The following VWDE variants were observed in gnomAD, a reference collection of about 807,000 sequenced individuals.
VWDE encodes von Willebrand factor D and EGF domains, also known as von Willebrand factor D and EGF domain-containing protein.
VWDE carries 207 observed loss-of-function variants against 178.4 expected under a neutral mutation model. That is an observed-to-expected ratio of 1.16 (90% CI 1.04 to 1.30). The LOEUF (loss-of-function observed/expected upper bound fraction) is 1.30. Among genes scored for constraint, VWDE ranks in the 50% most tolerant of loss-of-function variants. The pLI is 0.00. For missense variants in VWDE, 2,287 were observed against 1,901.3 expected (o/e 1.20, Z -3.77); for synonymous variants, 738 against 651.4 (o/e 1.13, Z -2.02).
In VWDE at chr7:12,333,550, C is replaced by T. The variant is rs572488320; in HGVS notation, c.4673G>A (p.Cys1558Tyr). 8 of 1,550,904 alleles carry T rather than the reference C, an allele frequency of 5.2e-6. No homozygotes were observed. In the South Asian group the frequency reaches 7.1e-5, roughly 14 times the overall value. ...RCQIPICNPK[C>Y]LYGGRCIFPN... The stretch of plus-strand genomic sequence containing the variant: ...AAATATGCATCTGCCTCCATAAAGA[C>T]ATTTTGGGTTGCAAATTGCTGCAAT... The change falls in exon 28 of 29, where the codon TGT becomes TAT. Residue 1558 changes from cysteine to tyrosine, a missense_variant. Cys to Tyr is a radical substitution (Grantham distance 194). Coordinates refer to ENST00000275358, the MANE Select transcript of VWDE (RefSeq NM_001135924.3).
chr7:12,378,773 C>T (rs768270498), intron 6 of VWDE, among the ~76,000 whole-genome samples: 1 of 152,132 alleles, frequency 6.6e-6, no homozygotes, highest in Non-Finnish European at 1.5e-5. Flanking sequence ...ACTGTGTGTA[C>T]ATGGACTTTA....
chr7:12,334,939 G>C (rs1327062143), intron 27 of VWDE, among the ~76,000 whole-genome samples: 4 of 151,990 alleles, frequency 2.6e-5, no homozygotes, highest in African/African-American at 9.7e-5. Flanking sequence ...CATATCTTAT[G>C]TAAATACCAG....
chr7:12,364,560 A>T (rs1010044533), intron 13 of VWDE, among the ~76,000 whole-genome samples: 30 of 152,136 alleles, frequency 2.0e-4, no homozygotes, highest in African/African-American at 6.3e-4. Context: ...TTGAGTTATA[A>T]TTCATGAAAT....
intron 24 of VWDE, among the ~76,000 whole-genome samples, chr7:12,338,120 A>G (rs1459417424): frequency 4.6e-5 from 7 of 152,072 alleles, no homozygotes; most frequent in Non-Finnish European, 1.0e-4. Flanking sequence ...TGTTTGAATT[A>G]CTAGCTGCTT....
chr7:12,341,220 C>T (rs1781312137), intron 23 of VWDE, among the ~76,000 whole-genome samples: 1 of 152,140 alleles, frequency 6.6e-6, no homozygotes, highest in African/African-American at 2.4e-5. Flanking sequence ...TTTCCATTTG[C>T]ATCATGCTTC....
chr7:12,393,353 C>T (rs1489449451), intron 2 of VWDE, among the ~76,000 whole-genome samples: 3 of 152,136 alleles, frequency 2.0e-5, no homozygotes, highest in Non-Finnish European at 4.4e-5. Flanking sequence ...TTGTATGCTA[C>T]AGTTGTAAAC....
At chr7:12,334,873 T>C (rs1780928075) in intron 27 of VWDE, among the ~76,000 whole-genome samples, 1 of 152,210 alleles carries the variant, frequency 6.6e-6, no homozygotes, top group Non-Finnish European at 1.5e-5. Flanking sequence ...TAACTTTTTT[T>C]TTCTAGCATT....
intron 26 of VWDE, 59 bp from the exon 27 acceptor site, chr7:12,336,295 A>T (rs1360528534): frequency 7.3e-7 from 1 of 1,375,106 alleles, no homozygotes; most frequent in Non-Finnish European, 9.9e-7. Flanking sequence ...TCCTATCCAT[A>T]ACCCACAAAA....
In VWDE at chr7:12,361,999, T is replaced by C. The variant is rs568749020; in HGVS notation, c.2899-478A>G. Reference sequence around the variant, plus strand: ...ACCAATCTCCCTGACTATGCTTGACTGGTGCAGGGGCGGACCTAAGCTAGG... The same window carrying C: ...ACCAATCTCCCTGACTATGCTTGACCGGTGCAGGGGCGGACCTAAGCTAGG... On this transcript the variant is annotated intron_variant, in intron 13 of 28. Coordinates refer to ENST00000275358, the MANE Select transcript of VWDE (RefSeq NM_001135924.3). Among the ~76,000 whole-genome samples, 4 of 152,162 alleles carry C rather than the reference T, an allele frequency of 2.6e-5. No individual in the cohort carries two copies. In the East Asian group the frequency reaches 7.8e-4, roughly 30 times the overall value.
At chr7:12,372,881 C>G (rs1783282690) in intron 10 of VWDE, 96 bp downstream of exon 10, 1 of 1,233,742 alleles carries the variant, frequency 8.1e-7, no homozygotes, top group Non-Finnish European at 1.1e-6. Flanking sequence ...CTTAAACAAA[C>G]TAATGTTGAA....
chr7:12,389,785 C>A (rs1232267964), intron 2 of VWDE, among the ~76,000 whole-genome samples: 1 of 152,092 alleles, frequency 6.6e-6, no homozygotes, highest in African/African-American at 2.4e-5. Flanking sequence ...GAAGTTAATG[C>A]ATAGTTCAGG....
Position 12,356,203 on chromosome 7 carries a change from T to TC in VWDE, c.3652dup (p.Asp1218GlyfsTer3). The TC allele has an allele frequency of 1.3e-6, 2 of 1,551,494 alleles. No homozygotes were observed. Among genetic ancestry groups the TC allele is most frequent in the Non-Finnish European group, 1.7e-6 (2 of 1,146,946 alleles). ...AGGGTTGGATTGGCACCCACTAATGTCCACTTCACAAAGGCTGCCATGGAA... is the reference window on the plus strand; with the variant it reads ...AGGGTTGGATTGGCACCCACTAATGTCCCACTTCACAAAGGCTGCCATGGAA... On this transcript the variant is annotated frameshift_variant, in exon 18 of 29. Transcript: ENST00000275358. LOFTEE classifies it high-confidence loss of function.
At chr7:12,354,386 G>A in intron 18 of VWDE, 1 of 441,604 alleles carries the variant, frequency 2.3e-6, no homozygotes, top group South Asian at 1.6e-5. Context: ...AATCCTTCTG[G>A]ACATGAACCA....
chr7:12,332,040 T>TTGGGGAAGG (rs1780751001), intron 28 of VWDE, among the ~76,000 whole-genome samples: 1 of 152,012 alleles, frequency 6.6e-6, no homozygotes, highest in African/African-American at 2.4e-5. Context: ...GAACCCTCCT[T>TTGGGGAAGG]TGGGGAAGGT....
In VWDE at chr7:12,369,936, C is replaced by T; in HGVS notation, c.2370G>A (p.Glu790=). Residue 790 remains glutamate, a synonymous_variant, in exon 12 of 29, where the codon GAG becomes GAA. Coordinates refer to ENST00000275358, the MANE Select transcript of VWDE (RefSeq NM_001135924.3). ...AGGGAGTGGGCCAAGAGGGGAAAAA[C>T]TCTTGCTGTACATCCTCAGCATGGT... ...PEDHAEDVQQ[E]FFPSWPTPSG... The T allele has an allele frequency of 1.2e-5, 19 of 1,551,412 alleles. No individual in the cohort carries two copies. Among genetic ancestry groups the T allele is most frequent in the Non-Finnish European group, 1.7e-5 (19 of 1,146,840 alleles).
intron 12 of VWDE, among the ~76,000 whole-genome samples, chr7:12,368,783 T>C (rs1782999116): frequency 6.6e-6 from 1 of 152,082 alleles, no homozygotes; most frequent in Non-Finnish European, 1.5e-5. Flanking sequence ...GAAATAATGG[T>C]GGCTTGGACT....
chr7:12,340,958 G>C (rs1781296541), intron 23 of VWDE, among the ~76,000 whole-genome samples: 1 of 151,968 alleles, frequency 6.6e-6, no homozygotes, highest in Admixed American at 6.6e-5. Flanking sequence ...TGCTTTGAAA[G>C]ACATCCCCAA....
intron 23 of VWDE, among the ~76,000 whole-genome samples, chr7:12,341,297 T>C (rs1038411768): frequency 2.0e-5 from 3 of 152,120 alleles, no homozygotes; most frequent in African/African-American, 4.8e-5. Context: ...TAGATTATAA[T>C]GAATTAGATC....
intron 10 of VWDE, 81 bp downstream of exon 10, chr7:12,372,896 G>C: frequency 1.5e-6 from 2 of 1,331,732 alleles, no homozygotes; most frequent in East Asian, 5.0e-5. Context: ...GTTGAAAAAT[G>C]ATAGCTCCTA....
Sources: allele counts gnomAD v4.1 joint callset (sites outside exome capture counted in the v4.1 genomes callset), GRCh38; gene constraint gnomAD v4.1.1; transcripts MANE v1.5; gene names NCBI Gene and HGNC (gene_info 2026-07-23, HGNC 2026-07-21).